Variants in PTPRT observed in about 807,000 individuals in gnomAD.
PTPRT encodes the protein receptor-type tyrosine-protein phosphatase T.
PTPRT carries 56 observed loss-of-function variants against 176.8 expected under a neutral mutation model. The ratio of observed to expected loss-of-function variants is 0.32; its 90% CI spans 0.26 to 0.40. The LOEUF is 0.40. PTPRT is among the 10% of genes least tolerant of loss of function. PTPRT has a pLI of 1.00. For missense variants in PTPRT, 1,540 were observed against 1,908.2 expected, an observed-to-expected ratio of 0.81 and a Z score of 3.60; for synonymous variants, 783 against 739.0, an observed-to-expected ratio of 1.06 and a Z score of -0.96.
chr20:42,803,622 C>T (rs746094637), intron 2 of PTPRT, among the ~76,000 whole-genome samples: 8 of 152,146 alleles, frequency 5.3e-5, no homozygotes, highest in South Asian at 2.1e-4. Flanking sequence ...GGCATGATCT[C>T]GGCTCACTGC....
At chr20:42,797,984 G>A (rs1385697681) in intron 2 of PTPRT, among the ~76,000 whole-genome samples, 1 of 152,198 alleles carries the variant, frequency 6.6e-6, no homozygotes, top group East Asian at 1.9e-4. Context: ...TAGGACTTCT[G>A]ATGTCCAGAT....
intron 7 of PTPRT, among the ~76,000 whole-genome samples, chr20:42,491,952 A>G (rs944277951): frequency 6.6e-6 from 1 of 152,054 alleles, no homozygotes. Context: ...TAACATTTTG[A>G]CTCAGCATAA....
chr20:42,628,715 G>A (rs1021162105), intron 7 of PTPRT, among the ~76,000 whole-genome samples: 3 of 152,096 alleles, frequency 2.0e-5, no homozygotes, highest in African/African-American at 2.4e-5. Context: ...GAGAGTTTAT[G>A]TGTCTTGTCC....
chr20:42,124,287 C>T (rs1419686662), intron 19 of PTPRT, among the ~76,000 whole-genome samples: 3 of 152,260 alleles, frequency 2.0e-5, no homozygotes, highest in African/African-American at 7.2e-5. Context: ...TGCAAACCAG[C>T]ACTGGGCCTG....
chr20:42,300,761 ATTATTATTATTATTATTAT>A (rs1447572368), intron 12 of PTPRT, among the ~76,000 whole-genome samples: 1 of 145,566 alleles, frequency 6.9e-6, no homozygotes, highest in Non-Finnish European at 1.5e-5. Context: ...TATTTGTATT[ATTATTATTATTATTATTAT>A]TTATTATTAT....
chr20:42,083,763 AAG>A (rs1041545104), intron 29 of PTPRT, among the ~76,000 whole-genome samples: 1 of 152,232 alleles, frequency 6.6e-6, no homozygotes, highest in African/African-American at 2.4e-5. Context: ...AACATTTTAA[AAG>A]AGAGAGGCCT....
downstream of PTPRT, among the ~76,000 whole-genome samples, chr20:42,067,893 A>T (rs1280680507): frequency 1.3e-5 from 2 of 151,998 alleles, no homozygotes; most frequent in Admixed American, 6.6e-5. Context: ...CTTAAACGAA[A>T]TTTTTTTTGG....
chr20:43,154,123 T>A (rs961249491), intron 1 of PTPRT, among the ~76,000 whole-genome samples: 1 of 152,184 alleles, frequency 6.6e-6, no homozygotes, highest in Non-Finnish European at 1.5e-5. Context: ...AGCATAAAAT[T>A]GTTTTCTTCT....
intron 7 of PTPRT, among the ~76,000 whole-genome samples, chr20:42,633,975 ATATT>A (rs1296055507): frequency 0.011 from 329 of 28,970 alleles, 47 homozygotes; most frequent in African/African-American, 0.043. Flanking sequence ...ATATTATAAT[ATATT>A]ATATATTATA....
Position 42,450,041 on chromosome 20 carries a change from C to T in PTPRT, c.1451-1712G>A, listed in dbSNP as rs368953003. On this transcript the variant is annotated intron_variant, in intron 8 of 30. Coordinates refer to ENST00000373187, the MANE Select transcript of PTPRT (RefSeq NM_007050.6). ...ATTTTATCACTAAAGAAATTGCAGG[C>T]TTCTCTGGGGCCATACATTTCTCTG... Among the ~76,000 whole-genome samples, 27 of 152,230 alleles carry T rather than the reference C, an allele frequency of 1.8e-4. No homozygotes were observed. The East Asian group carries it at 3.1e-3, about 17-fold the overall frequency.
At chr20:42,504,510 A>AAG (rs2071810206) in intron 7 of PTPRT, among the ~76,000 whole-genome samples, 3 of 152,150 alleles carry the variant, frequency 2.0e-5, no homozygotes, top group African/African-American at 7.2e-5. Context: ...TTAATAAAAT[A>AAG]ATTTATCATT....
chr20:42,512,756 C>T (rs969853863), intron 7 of PTPRT, among the ~76,000 whole-genome samples: 46 of 152,104 alleles, frequency 3.0e-4, no homozygotes, highest in African/African-American at 1.1e-3. Flanking sequence ...GTGATGCATC[C>T]TACCAATCAT....
chr20:42,230,764 T>C (rs1383097312), intron 15 of PTPRT, among the ~76,000 whole-genome samples: 1 of 152,166 alleles, frequency 6.6e-6, no homozygotes, highest in Non-Finnish European at 1.5e-5. Context: ...AAACCTAGAA[T>C]TGTGAAATAG....
intron 13 of PTPRT, chr20:42,270,379 C>CCCGG: frequency 6.5e-7 from 1 of 1,541,612 alleles, no homozygotes; most frequent in Non-Finnish European, 8.8e-7. Context: ...CCCACCCGCC[C>CCCGG]AGGGCTCTGG....
At chr20:42,614,793 C>T (rs896154208) in intron 7 of PTPRT, among the ~76,000 whole-genome samples, 14 of 152,064 alleles carry the variant, frequency 9.2e-5, no homozygotes, top group Non-Finnish European at 1.9e-4. Context: ...CTTACAGTTC[C>T]ACATGGCTGG....
intron 7 of PTPRT, among the ~76,000 whole-genome samples, chr20:42,638,624 C>A (rs1197159094): frequency 6.6e-6 from 1 of 152,016 alleles, no homozygotes; most frequent in African/African-American, 2.4e-5. Context: ...TAGTACAAAC[C>A]CAAGTTTGAG....
intron 7 of PTPRT, among the ~76,000 whole-genome samples, chr20:42,654,895 C>T (rs766193770): frequency 2.0e-5 from 3 of 152,244 alleles, no homozygotes; most frequent in Admixed American, 6.5e-5. Flanking sequence ...CACTACTACC[C>T]GCATTGAAGA....
chr20:42,239,202 A>C (rs2056303381), intron 14 of PTPRT, among the ~76,000 whole-genome samples: 1 of 152,150 alleles, frequency 6.6e-6, no homozygotes, highest in African/African-American at 2.4e-5. Context: ...ACAAATACTT[A>C]TTCAGCACTT....
intron 6 of PTPRT, among the ~76,000 whole-genome samples, chr20:42,682,720 C>T (rs548903697): frequency 1.3e-5 from 2 of 152,292 alleles, no homozygotes; most frequent in Admixed American, 1.3e-4. Context: ...AGGAGCCATC[C>T]ATGAGACCTG....
Sources: gnomAD v4.1 joint callset for allele counts (sites outside exome capture counted in the v4.1 genomes callset) on GRCh38, gnomAD v4.1.1 for gene constraint, MANE v1.5 for transcripts, NCBI Gene and HGNC (gene_info 2026-07-23, HGNC 2026-07-21) for gene names.